USP36: variants seen among roughly 807,000 people sequenced by gnomAD.
The protein encoded by USP36 is ubiquitin specific peptidase 36.
A neutral mutation model predicts 111.5 loss-of-function variants in USP36; 59 were observed. The ratio of observed to expected loss-of-function variants is 0.53; its 90% CI spans 0.43 to 0.66. USP36 has a LOEUF of 0.66. USP36 is among the 30% of genes least tolerant of loss of function. USP36 has a pLI of 0.00. For synonymous variants in USP36, 628 were observed against 581.0 expected, an observed-to-expected ratio of 1.08 and a Z score of -1.16; for missense variants, 1,488 against 1,468.0, an observed-to-expected ratio of 1.01 and a Z score of -0.22.
At chr17:78,834,494 G>A (rs941827369) in intron 4 of USP36, among the ~76,000 whole-genome samples, 20 of 152,088 alleles carry the variant, frequency 1.3e-4, no homozygotes, top group Non-Finnish European at 7.4e-5. Context: ...CCAGGCTGGA[G>A]TGCAGCGGCA....
chr17:78,833,044 A>G (rs1481359254), intron 4 of USP36, among the ~76,000 whole-genome samples: 1 of 151,462 alleles, frequency 6.6e-6, no homozygotes, highest in Non-Finnish European at 1.5e-5. Context: ...GCTACTTGGG[A>G]GGCTGAGGCA....
intron 10 of USP36, among the ~76,000 whole-genome samples, chr17:78,816,850 T>C (rs1377108164): frequency 2.0e-5 from 3 of 152,164 alleles, no homozygotes; most frequent in South Asian, 2.1e-4. Context: ...TCAAAGAGTT[T>C]TGACAAGTAT....
At chr17:78,792,498 G>C (rs1025806764), downstream of USP36, among the ~76,000 whole-genome samples, 1 of 152,156 alleles carries the variant, frequency 6.6e-6, no homozygotes, top group Non-Finnish European at 1.5e-5. Flanking sequence ...CATCAGATCA[G>C]AACAGTGGGT....
rs140224225 is a variant in USP36 at position 78,818,604 on chromosome 17, C to T, written c.1023+63G>A. 65 of 1,442,080 alleles carry T rather than the reference C, an allele frequency of 4.5e-5. No homozygotes were observed. In the African/African-American group the frequency reaches 7.1e-4, roughly 16 times the overall value. 89.3% of individuals were successfully genotyped at this position (1,442,080 alleles called of 1,614,324 possible). A position where few individuals can be genotyped will look rare whatever the true frequency, so the allele number is the denominator to read the frequency against. On this transcript the variant is annotated intron_variant, in intron 10 of 20. Coordinates refer to ENST00000449938, the MANE Select transcript of USP36 (RefSeq NM_001385174.1). ...TCAAACTCGTGGCTATCACTTTCTT[C>T]GTGTTATTCTGATGCCGACTGTGGC...
In USP36 at chr17:78,812,461, G is replaced by A. The variant is rs150319139; in HGVS notation, c.1407+399C>T. On this transcript the variant is annotated intron_variant, in intron 13 of 20. Transcript: ENST00000449938. ...TCCCAGCACTTTGGGAGGCCGAGGCGGGCAGATCCTGAGGTCAGGAGATCG... is the reference window on the plus strand; with the variant it reads ...TCCCAGCACTTTGGGAGGCCGAGGCAGGCAGATCCTGAGGTCAGGAGATCG... Among the ~76,000 whole-genome samples the A allele has an allele frequency of 3.9e-3, 590 of 152,030 alleles. 7 individuals carry two copies. Among genetic ancestry groups the A allele is most frequent in the African/African-American group, 0.013 (556 of 41,464 alleles).
At chr17:78,820,847 TG>T in intron 8 of USP36, 143 bp downstream of exon 8, 4 of 818,342 alleles carry the variant, frequency 4.9e-6, no homozygotes, top group Non-Finnish European at 8.0e-6. Flanking sequence ...GTAAAGACAA[TG>T]GTCTGTACTG....
chr17:78,819,889 G>A (rs772159882), intron 9 of USP36, 41 bp downstream of exon 9: 47 of 1,597,164 alleles, frequency 2.9e-5, no homozygotes, highest in Non-Finnish European at 3.8e-5. Flanking sequence ...CTTATTTCCC[G>A]TCTGGTATCA....
At chr17:78,800,256 C>CAT (rs1289406800) in intron 17 of USP36, among the ~76,000 whole-genome samples, 1 of 152,202 alleles carries the variant, frequency 6.6e-6, no homozygotes. Flanking sequence ...AGGCCCATGC[C>CAT]CCAGGACCAG....
At chr17:78,806,868 C>A in intron 14 of USP36, 91 bp downstream of exon 14, 2 of 1,513,986 alleles carry the variant, frequency 1.3e-6, no homozygotes, top group Non-Finnish European at 1.8e-6. Context: ...CCAAAGCCCC[C>A]GGACAATGTT....
At chr17:78,788,408 C>T (rs533409225) in intron 3 of USP36, among the ~76,000 whole-genome samples, 2 of 152,276 alleles carry the variant, frequency 1.3e-5, no homozygotes, top group African/African-American at 4.8e-5. Context: ...CGTGATCTGC[C>T]TGCCTCGGCC....
intron 10 of USP36, among the ~76,000 whole-genome samples, chr17:78,817,999 C>A (rs912905171): frequency 6.6e-6 from 1 of 152,110 alleles, no homozygotes; most frequent in African/African-American, 2.4e-5. Flanking sequence ...GCAGGGGGAT[C>A]GCTTGAGCTT....
At position 78,803,355 on chromosome 17, in the gene USP36, A is replaced by G; in HGVS notation, c.2810+30T>C. ...TTTTGCTTTGTTTCTCGTCAGAGGT[A>G]GACAGATGCCACTTTGCTCCTGCCC... On this transcript the variant is annotated intron_variant, in intron 16 of 20. Coordinates refer to ENST00000449938, the MANE Select transcript of USP36 (RefSeq NM_001385174.1). This position sits in a 1 kb window ranked among gnomAD's most constrained non-coding sequence, Gnocchi z 4.6. 5 of 1,595,354 alleles carry G rather than the reference A, an allele frequency of 3.1e-6. No individual in the cohort carries two copies. Among genetic ancestry groups the G allele is most frequent in the South Asian group, 2.2e-5 (2 of 89,022 alleles).
chr17:78,828,871 A>C (rs1191497659), intron 5 of USP36, 26 bp downstream of exon 5: 1 of 1,607,358 alleles, frequency 6.2e-7, no homozygotes, highest in Non-Finnish European at 8.5e-7. Context: ...TAAATCACAA[A>C]AATTTTAACA....
chr17:78,810,645 T>C (rs1044658143), intron 13 of USP36, among the ~76,000 whole-genome samples: 1 of 152,198 alleles, frequency 6.6e-6, no homozygotes, highest in African/African-American at 2.4e-5. Flanking sequence ...ATATCATGTA[T>C]TTTACTGCCA....
At chr17:78,805,814 C>T (rs566602904) in intron 15 of USP36, among the ~76,000 whole-genome samples, 50 of 152,346 alleles carry the variant, frequency 3.3e-4, no homozygotes, top group Non-Finnish European at 6.6e-4. Context: ...CCTTTCTCTT[C>T]GACTGGGAAG....
downstream of USP36, among the ~76,000 whole-genome samples, chr17:78,792,895 T>C (rs900112480): frequency 2.3e-4 from 35 of 152,234 alleles, no homozygotes; most frequent in African/African-American, 7.9e-4. Flanking sequence ...TTTGTATTTT[T>C]AGTAGAGACA....
At chr17:78,815,937 T>C (rs919581636) in intron 10 of USP36, among the ~76,000 whole-genome samples, 1 of 151,772 alleles carries the variant, frequency 6.6e-6, no homozygotes, top group Non-Finnish European at 1.5e-5. Context: ...CACACACATA[T>C]ACACACATGC....
chr17:78,798,919 C>A lies in USP36; in HGVS notation c.3229G>T (p.Asp1077Tyr). 6.2e-7 allele frequency: 1 copy of A among 1,614,106 alleles called. No individual in the cohort carries two copies. The highest frequency in any genetic ancestry group is 8.5e-7 in the Non-Finnish European group (1 of 1,180,044). ...TVVDDWDEEF[D>Y]RGKEKKIKKF... is the part of the protein sequence containing the mutation. Reference sequence around the variant, plus strand: ...ATCACACATCATACCTTCCCTCGGTCAAACTCTTCGTCCCAGTCATCAACC... The same window carrying A: ...ATCACACATCATACCTTCCCTCGGTAAAACTCTTCGTCCCAGTCATCAACC... The change falls in exon 19 of 21, where the codon GAC (aspartate) becomes TAC (tyrosine). Residue 1077 changes from aspartate (D) to tyrosine (Y), a missense_variant. By Grantham distance (160) the Asp-to-Tyr change is radical. Transcript: ENST00000449938. This position sits in a 1 kb window ranked among gnomAD's most constrained non-coding sequence, Gnocchi z 5.1.
Position 78,798,860 on chromosome 17 carries a change from C to T in USP36, c.3240+48G>A, listed in dbSNP as rs754956173. ...CAACTGCCCCGGCTCTGAGCTGAGC[C>T]ACGCCGCCCTGCTCCCTCAAGCCTG... is the stretch of plus-strand genomic sequence containing the variant. On this transcript the variant is annotated intron_variant, in intron 19 of 20. Transcript: ENST00000449938. The surrounding 1 kb of genome is among the most constrained non-coding windows in gnomAD (Gnocchi z 5.1). The T allele has an allele frequency of 1.2e-6, 2 of 1,604,494 alleles. No individual in the cohort carries two copies. Among genetic ancestry groups the T allele is most frequent in the Non-Finnish European group, 1.7e-6 (2 of 1,172,616 alleles).
Sources: allele counts gnomAD v4.1 joint callset (sites outside exome capture counted in the v4.1 genomes callset), GRCh38; gene constraint gnomAD v4.1.1; non-coding constraint Gnocchi (gnomAD v3.1); transcripts MANE v1.5; gene names NCBI Gene and HGNC (gene_info 2026-07-23, HGNC 2026-07-21).